VPS53: variants seen among roughly 807,000 people sequenced by gnomAD.
VPS53 encodes the protein VPS53 subunit of GARP complex, also known as vacuolar protein sorting-associated protein 53 homolog.
In VPS53, 70 loss-of-function variants were observed where a neutral mutation model predicts 107.0. The observed-to-expected ratio is 0.65, with a 90% CI of 0.54 to 0.80. The LOEUF is 0.80. Among genes scored for constraint, VPS53 ranks in the 30% least tolerant of loss-of-function variants. The probability of loss-of-function intolerance (pLI) is 0.00; values close to 1 mark genes in which losing one functional copy is unlikely to be tolerated. For synonymous variants in VPS53, 409 were observed against 393.3 expected, an observed-to-expected ratio of 1.04 and a Z score of -0.47; for missense variants, 917 against 1,049.4, an observed-to-expected ratio of 0.87 and a Z score of 1.74.
At chr17:695,305 A>T (rs991441136) in intron 4 of VPS53, among the ~76,000 whole-genome samples, 2 of 152,194 alleles carry the variant, frequency 1.3e-5, no homozygotes, top group African/African-American at 4.8e-5. Context: ...GTATTCAGAT[A>T]AGGTCCATGG....
intron 19 of VPS53, chr17:531,951 T>TTG (rs1300360248): frequency 3.4e-5 from 5 of 145,992 alleles, no homozygotes; most frequent in Non-Finnish European, 4.4e-5. Context: ...AATTGTTTTT[T>TTG]TTTTTTTTTT....
chr17:605,545 G>A (rs1276385347), intron 11 of VPS53, among the ~76,000 whole-genome samples: 2 of 137,600 alleles, frequency 1.5e-5, no homozygotes, highest in East Asian at 5.0e-4. Context: ...GGGGCCTGGG[G>A]TAAGAGGGGT....
At chr17:690,406 A>T (rs190158924) in intron 4 of VPS53, among the ~76,000 whole-genome samples, 70 of 152,374 alleles carry the variant, frequency 4.6e-4, no homozygotes, top group African/African-American at 1.7e-3. Flanking sequence ...CCAATAGTTA[A>T]AAATTGTGAG....
chr17:708,182 A>G (rs1283433173), intron 2 of VPS53, among the ~76,000 whole-genome samples: 1 of 152,296 alleles, frequency 6.6e-6, no homozygotes, highest in South Asian at 2.1e-4. Context: ...ACTACCACCA[A>G]TGCACAGAGT....
chr17:682,733 A>G (rs1453286954), intron 4 of VPS53, among the ~76,000 whole-genome samples: 1 of 152,102 alleles, frequency 6.6e-6, no homozygotes, highest in Non-Finnish European at 1.5e-5. Context: ...AAATTTTAAG[A>G]CATATATACG....
At chr17:583,639 C>T (rs755240659) in intron 13 of VPS53, among the ~76,000 whole-genome samples, 3 of 151,648 alleles carry the variant, frequency 2.0e-5, no homozygotes, top group Non-Finnish European at 4.4e-5. Context: ...TCCCTCAGAA[C>T]CTAATGTGTT....
At chr17:525,622 A>G (rs1909070042) in intron 19 of VPS53, among the ~76,000 whole-genome samples, 1 of 152,060 alleles carries the variant, frequency 6.6e-6, no homozygotes, top group Non-Finnish European at 1.5e-5. Flanking sequence ...TAAGCCCAGG[A>G]ATTCCAGGTT....
chr17:640,457 T>C (rs974745586), intron 7 of VPS53, among the ~76,000 whole-genome samples: 1 of 152,120 alleles, frequency 6.6e-6, no homozygotes, highest in African/African-American at 2.4e-5. Context: ...GTAACTCAGT[T>C]GGAAATGCAG....
At chr17:654,899 G>A (rs1478322766) in intron 6 of VPS53, among the ~76,000 whole-genome samples, 2 of 152,154 alleles carry the variant, frequency 1.3e-5, no homozygotes, top group African/African-American at 2.4e-5. Context: ...ACCCCACGAA[G>A]GAACAAATGT....
At chr17:709,904 T>C (rs1032945600) in intron 2 of VPS53, among the ~76,000 whole-genome samples, 3 of 152,102 alleles carry the variant, frequency 2.0e-5, no homozygotes, top group South Asian at 2.1e-4. Context: ...CCCAGCACTT[T>C]AGGGGGCCAA....
At chr17:709,673 GAACAA>G (rs1973563496) in intron 2 of VPS53, among the ~76,000 whole-genome samples, 1 of 152,080 alleles carries the variant, frequency 6.6e-6, no homozygotes, top group South Asian at 2.1e-4. Context: ...GGCACCTACT[GAACAA>G]CTGCTGACTG....
intron 13 of VPS53, among the ~76,000 whole-genome samples, chr17:566,390 G>C (rs1449081783): frequency 6.6e-6 from 1 of 152,180 alleles, no homozygotes; most frequent in African/African-American, 2.4e-5. Context: ...GAAGGAGGTA[G>C]AATCATCTGT....
At chr17:629,181 T>C (rs1044225913) in intron 8 of VPS53, among the ~76,000 whole-genome samples, 2 of 152,218 alleles carry the variant, frequency 1.3e-5, no homozygotes, top group South Asian at 2.1e-4. Flanking sequence ...AAGTGTTATA[T>C]AAGCTGCCTG....
chr17:567,685 G>T (rs1913653167), intron 13 of VPS53, among the ~76,000 whole-genome samples: 1 of 151,824 alleles, frequency 6.6e-6, no homozygotes, highest in Non-Finnish European at 1.5e-5. Flanking sequence ...CCAGGAGTTT[G>T]AGAATAGTGT....
At chr17:679,525 A>C (rs769316877) in intron 4 of VPS53, among the ~76,000 whole-genome samples, 32 of 152,160 alleles carry the variant, frequency 2.1e-4, no homozygotes, top group Non-Finnish European at 4.4e-4. Flanking sequence ...AAAAACCAAA[A>C]CAAAACAAAA....
intron 7 of VPS53, among the ~76,000 whole-genome samples, chr17:637,951 G>T (rs1457319426): frequency 6.6e-6 from 1 of 152,172 alleles, no homozygotes; most frequent in Non-Finnish European, 1.5e-5. Flanking sequence ...TGCACAGCTA[G>T]TTCAATTCCT....
At chr17:641,022 T>C (rs1227582273) in intron 7 of VPS53, among the ~76,000 whole-genome samples, 1 of 152,042 alleles carries the variant, frequency 6.6e-6, no homozygotes, top group Non-Finnish European at 1.5e-5. Flanking sequence ...GCCTGGCTAA[T>C]TTTTTGTATT....
At chr17:543,554 G>A (rs971943945) in intron 17 of VPS53, among the ~76,000 whole-genome samples, 1 of 151,774 alleles carries the variant, frequency 6.6e-6, no homozygotes, top group Non-Finnish European at 1.5e-5. Context: ...CGGGGACCAT[G>A]AGACCAACAG....
At chr17:575,854 C>T (rs911743940) in intron 13 of VPS53, among the ~76,000 whole-genome samples, 111 of 151,464 alleles carry the variant, frequency 7.3e-4, no homozygotes, top group African/African-American at 2.4e-3. Flanking sequence ...GAACCTAATG[C>T]GTTCCCAGAG....
Sources: gnomAD v4.1 joint callset for allele counts (sites outside exome capture counted in the v4.1 genomes callset) on GRCh38, gnomAD v4.1.1 for gene constraint, MANE v1.5 for transcripts, NCBI Gene and HGNC (gene_info 2026-07-23, HGNC 2026-07-21) for gene names.